HOMER2: variants seen among roughly 807,000 people sequenced by gnomAD.
The protein encoded by HOMER2 is homer protein homolog 2.
In HOMER2, 27 loss-of-function variants were observed where a neutral mutation model predicts 47.0. That is an observed-to-expected ratio of 0.57 (90% CI 0.42 to 0.79). The LOEUF is 0.79. Among genes scored for constraint, HOMER2 ranks in the 30% least tolerant of loss-of-function variants. HOMER2 has a pLI of 0.00. For missense variants in HOMER2, 443 were observed against 435.0 expected, an observed-to-expected ratio of 1.02 and a Z score of -0.16; for synonymous variants, 161 against 163.8, an observed-to-expected ratio of 0.98 and a Z score of 0.13.
intron 1 of HOMER2, among the ~76,000 whole-genome samples, chr15:82,907,770 A>G (rs2053332224): frequency 2.0e-5 from 3 of 152,354 alleles, no homozygotes; most frequent in Middle Eastern, 6.8e-3. Context: ...TAGAAATTAT[A>G]TAATATCTGT....
chr15:82,968,683 A>G (rs1318420356), intron 1 of HOMER2, among the ~76,000 whole-genome samples: 4 of 152,262 alleles, frequency 2.6e-5, no homozygotes, highest in Admixed American at 2.6e-4. Flanking sequence ...ACAGGTGCAT[A>G]GTATTCCATC....
At chr15:82,928,940 T>TAAAAAAAAAAAATAAAAAA (rs2053926647) in intron 1 of HOMER2, among the ~76,000 whole-genome samples, 1 of 39,942 alleles carries the variant, frequency 2.5e-5, no homozygotes, top group African/African-American at 1.5e-4. Flanking sequence ...AAATAAAAAC[T>TAAAAAAAAAAAATAAAAAA]AAAAAAAAAA....
intron 1 of HOMER2, among the ~76,000 whole-genome samples, chr15:82,942,343 C>A (rs7170046): frequency 6.6e-6 from 1 of 152,066 alleles, no homozygotes; most frequent in African/African-American, 2.4e-5. Flanking sequence ...AAAGAGCTGA[C>A]GAACTGATGA....
At chr15:82,871,572 T>C (rs144360874) in intron 3 of HOMER2, among the ~76,000 whole-genome samples, 59 of 152,242 alleles carry the variant, frequency 3.9e-4, no homozygotes, top group African/African-American at 1.3e-3. Context: ...GGGGAAGAAG[T>C]TGATTTGAAA....
chr15:82,921,289 A>G (rs562499848), intron 1 of HOMER2, among the ~76,000 whole-genome samples: 15 of 152,204 alleles, frequency 9.9e-5, no homozygotes, highest in African/African-American at 3.1e-4. Flanking sequence ...CTCCATCTCA[A>G]AAAAAACAGG....
chr15:82,849,795 A>G lies in HOMER2; in HGVS notation c.952T>C (p.Phe318Leu). ...ATCTTCCCGTCCAGCACCTCCAGGA[A>G]GCTCTTCAACTCCACCTTCAGGTGG... ...QRHLKVELKSFLEVLDGKIDD... is the reference protein window; with the variant it reads ...QRHLKVELKSLLEVLDGKIDD... Residue 318 changes from phenylalanine (F) to leucine (L), a missense_variant, in exon 9 of 9, where the codon TTC (phenylalanine) becomes CTC (leucine). Physicochemically the swap from Phe to Leu is conservative, Grantham distance 22. Coordinates refer to ENST00000450735, the MANE Select transcript of HOMER2 (RefSeq NM_004839.4). The G allele has an allele frequency of 1.2e-6, 2 of 1,613,984 alleles. No individual in the cohort carries two copies. The highest frequency in any genetic ancestry group is 1.7e-6 in the Non-Finnish European group (2 of 1,179,884).
At chr15:82,896,135 T>TGGGGGCA (rs2052906886) in intron 1 of HOMER2, among the ~76,000 whole-genome samples, 1 of 149,894 alleles carries the variant, frequency 6.7e-6, no homozygotes, top group African/African-American at 2.5e-5. Context: ...ATGCAAAGGA[T>TGGGGGCA]GGGGGCAAGG....
Position 82,882,883 on chromosome 15 carries a change from T to C in HOMER2, c.163-7479A>G, listed in dbSNP as rs1242154176. 1.1e-3 allele frequency among the ~76,000 whole-genome samples: 65 copies of C among 61,662 alleles called. 12 individuals are homozygous for C. Among genetic ancestry groups the C allele is most frequent in the African/African-American group, 5.1e-3 (61 of 12,028 alleles). The allele number at this position is 61,662 out of a possible 152,430, so 40.5% of individuals were successfully genotyped here. A position where few individuals can be genotyped will look rare whatever the true frequency, so the allele number is the denominator to read the frequency against. On this transcript the variant is annotated intron_variant, in intron 2 of 8. Coordinates refer to ENST00000450735, the MANE Select transcript of HOMER2 (RefSeq NM_004839.4). ...AGTCCATTCTACACCAGCCACTGCT[T>C]TTTTTTTTTTTTTTTTTTTTTTTAT...
At chr15:82,909,368 G>C (rs1170200208) in intron 1 of HOMER2, among the ~76,000 whole-genome samples, 1 of 152,206 alleles carries the variant, frequency 6.6e-6, no homozygotes, top group African/African-American at 2.4e-5. Flanking sequence ...CTACTGCTGT[G>C]TCTTTCCCCT....
intron 1 of HOMER2, among the ~76,000 whole-genome samples, chr15:82,893,341 T>A (rs1412330304): frequency 2.7e-5 from 4 of 149,668 alleles, no homozygotes; most frequent in African/African-American, 9.8e-5. Flanking sequence ...TTTTTTTTTT[T>A]TTTTTTTTGG....
chr15:82,974,192 G>T (rs1297827489), intron 1 of HOMER2, among the ~76,000 whole-genome samples: 3 of 151,952 alleles, frequency 2.0e-5, no homozygotes, highest in South Asian at 4.1e-4. Flanking sequence ...ATCACCTGAG[G>T]TCAGGAGTTC....
rs68038013 is a variant in HOMER2, at chr15:82,897,065, CTTTT to C, written c.6-4228_6-4225del. On this transcript the variant is annotated intron_variant, in intron 1 of 8. Coordinates refer to ENST00000450735, the MANE Select transcript of HOMER2 (RefSeq NM_004839.4). ...ACAGGTCTGAAATTTGATGTCATTTCTTTTTTTTTTTTTTTTTTTTAGATGAAGT... is the reference window on the plus strand; with the variant it reads ...ACAGGTCTGAAATTTGATGTCATTTCTTTTTTTTTTTTTTTTAGATGAAGT... 3.3e-3 allele frequency among the ~76,000 whole-genome samples: 337 copies of C among 101,852 alleles called. 1 individual carries two copies. Among genetic ancestry groups the C allele is most frequent in the African/African-American group, 0.012 (329 of 26,510 alleles). 66.8% of individuals were successfully genotyped at this position (101,852 alleles called of 152,430 possible).
At chr15:82,980,612 CT>C (rs552439492) in intron 1 of HOMER2, among the ~76,000 whole-genome samples, 1 of 152,106 alleles carries the variant, frequency 6.6e-6, no homozygotes, top group South Asian at 2.1e-4. Context: ...GTGGCCACCC[CT>C]GACTGACCAT....
intron 1 of HOMER2, among the ~76,000 whole-genome samples, chr15:82,907,454 AAAG>A (rs1481927712): frequency 1.3e-5 from 2 of 151,700 alleles, no homozygotes; most frequent in African/African-American, 2.4e-5. Context: ...AAAGAGAAAG[AAAG>A]AAGGAAGGAA....
chr15:82,866,242 T>C (rs190882845), intron 3 of HOMER2, among the ~76,000 whole-genome samples: 2 of 152,364 alleles, frequency 1.3e-5, no homozygotes, highest in East Asian at 3.9e-4. Context: ...GGAGATCATT[T>C]TGCAACTTTA....
At chr15:82,850,676 A>T (rs562795981) in intron 8 of HOMER2, among the ~76,000 whole-genome samples, 7 of 152,238 alleles carry the variant, frequency 4.6e-5, no homozygotes, top group Non-Finnish European at 1.0e-4. Context: ...CGCCGTGTGC[A>T]TATCAGAGGA....
chr15:82,938,053 A>T (rs2054179863), intron 1 of HOMER2, among the ~76,000 whole-genome samples: 1 of 152,188 alleles, frequency 6.6e-6, no homozygotes, highest in Non-Finnish European at 1.5e-5. Flanking sequence ...TTCTCAGATC[A>T]ATCCCTTATC....
At chr15:82,935,014 G>A (rs539440142) in intron 1 of HOMER2, among the ~76,000 whole-genome samples, 1 of 152,030 alleles carries the variant, frequency 6.6e-6, no homozygotes, top group South Asian at 2.1e-4. Flanking sequence ...CTCTGTCATG[G>A]TGGCCTCCTT....
rs1233953949 is a variant in HOMER2, at chr15:82,852,196, C to T, written c.708G>A (p.Thr236=). 18 of 1,613,970 alleles carry T rather than the reference C, an allele frequency of 1.1e-5. No homozygotes were observed. The highest frequency in any genetic ancestry group is 3.3e-5 in the South Asian group (3 of 91,080). ...SEINREKEKN[T]QLKRRIEELE... ...GCTCCTCGATCCTCCTCTTCAGCTGCGTGTTCTTCTCCTTCTCTCTGTTGA... is the reference window on the plus strand; with the variant it reads ...GCTCCTCGATCCTCCTCTTCAGCTGTGTGTTCTTCTCCTTCTCTCTGTTGA... Residue 236 remains threonine (T), a synonymous_variant, in exon 7 of 9, where the codon ACG becomes ACA. Coordinates refer to ENST00000450735, the MANE Select transcript of HOMER2 (RefSeq NM_004839.4).
Sources: gnomAD v4.1 joint callset for allele counts (sites outside exome capture counted in the v4.1 genomes callset) on GRCh38, gnomAD v4.1.1 for gene constraint, MANE v1.5 for transcripts, NCBI Gene and HGNC (gene_info 2026-07-23, HGNC 2026-07-21) for gene names.